CA10: variants seen among roughly 807,000 people sequenced by gnomAD.
CA10 encodes the protein carbonic anhydrase-related protein 10.
CA10 carries 14 observed loss-of-function variants against 44.2 expected under a neutral mutation model. The ratio of observed to expected loss-of-function variants is 0.32; its 90% CI spans 0.21 to 0.50. The LOEUF (loss-of-function observed/expected upper bound fraction) is 0.50. Ranked by LOEUF, CA10 falls within the 20% of genes least tolerant of loss-of-function variation. CA10 has a pLI of 0.99. For synonymous variants in CA10, 159 were observed against 141.6 expected (o/e 1.12, Z -0.87); for missense variants, 350 against 409.7 (o/e 0.85, Z 1.26).
chr17:51,691,913 A>C (rs1399049014), intron 4 of CA10, among the ~76,000 whole-genome samples: 1 of 152,172 alleles, frequency 6.6e-6, no homozygotes, highest in Non-Finnish European at 1.5e-5. Context: ...CTGAGAAAAA[A>C]ATCCCAACCC....
At chr17:51,949,237 TATATA>T (rs909511226) in intron 2 of CA10, among the ~76,000 whole-genome samples, 1 of 152,186 alleles carries the variant, frequency 6.6e-6, no homozygotes, top group Non-Finnish European at 1.5e-5. Context: ...CCAAAACATT[TATATA>T]ATATGTGTAA....
At position 51,701,431 on chromosome 17, in the gene CA10, T is replaced by G. The variant is rs77850919; in HGVS notation, c.465+46202A>C. On this transcript the variant is annotated intron_variant, in intron 4 of 8. Transcript: ENST00000451037. ...GTTCAGAGGTTCTGGGGGTTAGGAC[T>G]GCAACATAGCTTTTTGGAGACTCAG... 6.8e-3 allele frequency among the ~76,000 whole-genome samples: 1,040 copies of G among 152,350 alleles called. 16 individuals are homozygous for G. Among genetic ancestry groups the G allele is most frequent in the African/African-American group, 0.024 (1,003 of 41,576 alleles).
intron 4 of CA10, among the ~76,000 whole-genome samples, chr17:51,723,759 G>A (rs562313393): frequency 3.3e-4 from 50 of 152,226 alleles, no homozygotes; most frequent in South Asian, 2.9e-3. Context: ...TGCTGCATGC[G>A]CTGTGCAATG....
chr17:51,766,499 C>T (rs1196353443), intron 3 of CA10, among the ~76,000 whole-genome samples: 1 of 152,178 alleles, frequency 6.6e-6, no homozygotes, highest in African/African-American at 2.4e-5. Flanking sequence ...GTTCTGGCTC[C>T]TTTGCTCTTA....
chr17:51,737,336 C>T (rs1916945619), intron 4 of CA10, among the ~76,000 whole-genome samples: 2 of 152,124 alleles, frequency 1.3e-5, no homozygotes, highest in South Asian at 4.1e-4. Context: ...CAATAAATTA[C>T]AGCTGATGGT....
At chr17:51,799,215 G>A (rs1906834237) in intron 3 of CA10, among the ~76,000 whole-genome samples, 1 of 152,178 alleles carries the variant, frequency 6.6e-6, no homozygotes, top group Non-Finnish European at 1.5e-5. Context: ...TTAAGACACT[G>A]TCTTATATCA....
At chr17:51,929,500 G>A (rs1212050747) in intron 3 of CA10, among the ~76,000 whole-genome samples, 3 of 152,098 alleles carry the variant, frequency 2.0e-5, no homozygotes, top group Non-Finnish European at 4.4e-5. Flanking sequence ...CCTTTCAGCT[G>A]CATTCTGGAA....
At chr17:51,809,095 A>T (rs577313065) in intron 3 of CA10, among the ~76,000 whole-genome samples, 2 of 152,096 alleles carry the variant, frequency 1.3e-5, no homozygotes, top group African/African-American at 4.8e-5. Context: ...ACCTAAATAA[A>T]AAAAAAAAAT....
chr17:51,785,315 C>T (rs996472165), intron 3 of CA10, among the ~76,000 whole-genome samples: 10 of 152,096 alleles, frequency 6.6e-5, no homozygotes, highest in Admixed American at 5.2e-4. Flanking sequence ...GTTCAAATAA[C>T]TCTATAGGAA....
Position 51,831,701 on chromosome 17 carries a change from A to G in CA10, c.280-83883T>C, listed in dbSNP as rs1189780298. 4.5e-4 allele frequency among the ~76,000 whole-genome samples: 38 copies of G among 84,814 alleles called. 1 individual carries two copies. The highest frequency in any genetic ancestry group is 7.9e-4 in the South Asian group (2 of 2,540). The allele number at this position is 84,814 out of a possible 152,430, so 55.6% of individuals were successfully genotyped here. On this transcript the variant is annotated intron_variant, in intron 3 of 8. Transcript: ENST00000451037. ...CAGCAGCAGCAGCAGCAGCAGCAGC[A>G]GCAGCAGCAGCAGCAGCAGCAGCAG...
intron 2 of CA10, among the ~76,000 whole-genome samples, chr17:52,045,187 C>A (rs1434279127): frequency 1.3e-5 from 2 of 150,756 alleles, no homozygotes; most frequent in Non-Finnish European, 2.9e-5. Flanking sequence ...CAACCATCAA[C>A]CTACTTAGAT....
chr17:51,682,347 A>G (rs886642908), intron 4 of CA10, among the ~76,000 whole-genome samples: 1 of 152,090 alleles, frequency 6.6e-6, no homozygotes, highest in Non-Finnish European at 1.5e-5. Context: ...GCAAAATGAA[A>G]CTTCCCCTGG....
chr17:51,862,974 G>A (rs941880351), intron 3 of CA10, among the ~76,000 whole-genome samples: 21 of 152,106 alleles, frequency 1.4e-4, no homozygotes, highest in African/African-American at 4.8e-4. Context: ...TGAATGTGGA[G>A]GGGAGGCACA....
At chr17:52,038,344 C>T (rs528487234) in intron 2 of CA10, among the ~76,000 whole-genome samples, 7 of 152,190 alleles carry the variant, frequency 4.6e-5, no homozygotes, top group Non-Finnish European at 8.8e-5. Flanking sequence ...TGTTATCGTT[C>T]CCATTTCAAG....
rs574766818 is a variant in CA10, at chr17:52,105,483, C to G, written c.62-33090G>C. On this transcript the variant is annotated intron_variant, in intron 1 of 8. Coordinates refer to ENST00000451037, the MANE Select transcript of CA10 (RefSeq NM_020178.5). ...TGTTAGCCAGGATGGTCTCAATCTC[C>G]TGACCTCGTGATCTGCCCGCCCTGG... Among the ~76,000 whole-genome samples, 488 of 152,310 alleles carry G rather than the reference C, an allele frequency of 3.2e-3. 2 individuals are homozygous for G. Among genetic ancestry groups the G allele is most frequent in the African/African-American group, 0.011 (465 of 41,576 alleles).
At chr17:51,636,814 T>TGTGTGTGTGTG in intron 6 of CA10, among the ~76,000 whole-genome samples, 1 of 151,650 alleles carries the variant, frequency 6.6e-6, no homozygotes, top group African/African-American at 2.4e-5. Flanking sequence ...TGTGTGTGTA[T>TGTGTGTGTGTG]TTTTCTCTCT....
chr17:51,724,968 G>A (rs1170219963), intron 4 of CA10, among the ~76,000 whole-genome samples: 2 of 152,214 alleles, frequency 1.3e-5, no homozygotes, highest in African/African-American at 4.8e-5. Flanking sequence ...AGCTCTGGTA[G>A]GAGCAGTTTT....
intron 2 of CA10, among the ~76,000 whole-genome samples, chr17:52,061,640 C>T (rs908093327): frequency 5.9e-5 from 9 of 152,086 alleles, no homozygotes; most frequent in Admixed American, 3.9e-4. Flanking sequence ...CTCATGAAAT[C>T]TCATGGTTTT....
At chr17:51,779,182 G>A (rs535690496) in intron 3 of CA10, among the ~76,000 whole-genome samples, 75 of 152,274 alleles carry the variant, frequency 4.9e-4, no homozygotes, top group African/African-American at 1.7e-3. Flanking sequence ...ATGGGAGAAA[G>A]GTAAGTGCCT....
Sources: gnomAD v4.1 joint callset for allele counts (sites outside exome capture counted in the v4.1 genomes callset) on GRCh38, gnomAD v4.1.1 for gene constraint, MANE v1.5 for transcripts, NCBI Gene and HGNC (gene_info 2026-07-23, HGNC 2026-07-21) for gene names.